Variants in KCNIP1 observed in about 807,000 individuals in gnomAD.
KCNIP1 encodes the protein potassium voltage-gated channel interacting protein 1, also known as A-type potassium channel modulatory protein KCNIP1.
A neutral mutation model predicts 33.0 loss-of-function variants in KCNIP1; 18 were observed. The ratio of observed to expected loss-of-function variants is 0.55; its 90% CI spans 0.38 to 0.81. The LOEUF (loss-of-function observed/expected upper bound fraction) is 0.81. Ranked by LOEUF, KCNIP1 falls within the 30% of genes least tolerant of loss-of-function variation. The probability of loss-of-function intolerance (pLI) is 0.00; values close to 1 mark genes in which losing one functional copy is unlikely to be tolerated. For missense variants in KCNIP1, 238 were observed against 271.6 expected (o/e 0.88, Z 0.87); for synonymous variants, 93 against 98.3 (o/e 0.95, Z 0.32).
At chr5:170,684,126 T>C (rs769788557) in intron 1 of KCNIP1, among the ~76,000 whole-genome samples, 13 of 152,240 alleles carry the variant, frequency 8.5e-5, no homozygotes, top group Admixed American at 5.9e-4. Flanking sequence ...TGGGTTGCAA[T>C]TCTGGTTGTG....
At position 170,353,882 on chromosome 5, in the gene KCNIP1, C is replaced by T. The variant is rs762612605; in HGVS notation, c.6C>T (p.Ser2=). Residue 2 remains serine, a synonymous_variant, in exon 1 of 8, where the codon AGC becomes AGT. Coordinates refer to the KCNIP1 transcript ENST00000377360. ...CCTGGCTCCCCTCCGCCACCATGAG[C>T]GGCTGCTCCAAAAGATGCAAGCTTG... The T allele has an allele frequency of 1.7e-5, 27 of 1,613,928 alleles. No individual in the cohort carries two copies. In the East Asian group the frequency reaches 3.1e-4, roughly 19 times the overall value.
At chr5:170,644,363 G>A (rs78679245) in intron 1 of KCNIP1, among the ~76,000 whole-genome samples, 8,708 of 152,300 alleles carry the variant, frequency 0.057, 298 homozygotes, top group Non-Finnish European at 0.081. Context: ...TGAGTGTGTT[G>A]ATATCTGTAG....
intron 1 of KCNIP1, among the ~76,000 whole-genome samples, chr5:170,416,156 G>C (rs919785412): frequency 6.6e-6 from 1 of 152,066 alleles, no homozygotes; most frequent in African/African-American, 2.4e-5. Flanking sequence ...TTGTCGCCCA[G>C]CCTCACTCTG....
chr5:170,420,032 C>T (rs769217134), intron 1 of KCNIP1, among the ~76,000 whole-genome samples: 3 of 152,158 alleles, frequency 2.0e-5, no homozygotes, highest in South Asian at 2.1e-4. Flanking sequence ...CTCTGGCCAA[C>T]GGAAACACAA....
chr5:170,359,761 G>A (rs1183178419), intron 1 of KCNIP1, among the ~76,000 whole-genome samples: 1 of 152,084 alleles, frequency 6.6e-6, no homozygotes, highest in Non-Finnish European at 1.5e-5. Context: ...TTGCCCCTCT[G>A]CAGCAGGCCC....
At chr5:170,730,270 T>A (rs1764150798) in intron 5 of KCNIP1, among the ~76,000 whole-genome samples, 1 of 152,194 alleles carries the variant, frequency 6.6e-6, no homozygotes, top group Non-Finnish European at 1.5e-5. Context: ...GGTTCACTCA[T>A]TATTCCATCA....
intron 1 of KCNIP1, among the ~76,000 whole-genome samples, chr5:170,664,485 G>A (rs1761628542): frequency 6.6e-6 from 1 of 152,046 alleles, no homozygotes. Flanking sequence ...TGTACCCTCA[G>A]TATTTAGTAG....
chr5:170,534,521 G>A lies in KCNIP1; in HGVS notation c.61+29888G>A, dbSNP rs572852593. 2.6e-4 allele frequency among the ~76,000 whole-genome samples: 40 copies of A among 151,770 alleles called. No individual in the cohort carries two copies. The South Asian group carries it at 8.1e-3, about 31-fold the overall frequency. On this transcript the variant is annotated intron_variant, in intron 1 of 7. Coordinates refer to ENST00000328939, the MANE Select transcript of KCNIP1 (RefSeq NM_014592.4). ...AGGAGAAGGAGGAGAAGGAGAAGAA[G>A]GAGAAGGAGGTGGCAGAGCTACAGA...
At chr5:170,517,471 G>C (rs1755168845) in intron 1 of KCNIP1, among the ~76,000 whole-genome samples, 1 of 152,094 alleles carries the variant, frequency 6.6e-6, no homozygotes, top group African/African-American at 2.4e-5. Flanking sequence ...ATGACAGTAG[G>C]GGCTTCATGG....
chr5:170,484,489 G>A (rs535280393), intron 1 of KCNIP1, among the ~76,000 whole-genome samples: 6 of 152,202 alleles, frequency 3.9e-5, no homozygotes, highest in South Asian at 4.2e-4. Context: ...GGTGGCTGCC[G>A]GGCCTCCCTC....
chr5:170,532,950 T>A (rs1216314377), intron 1 of KCNIP1, among the ~76,000 whole-genome samples: 8 of 152,232 alleles, frequency 5.3e-5, no homozygotes, highest in Non-Finnish European at 7.3e-5. Flanking sequence ...TGACCAAGCA[T>A]GTAGCCTTCC....
chr5:170,414,042 T>G (rs1218806802), intron 1 of KCNIP1, among the ~76,000 whole-genome samples: 1 of 151,814 alleles, frequency 6.6e-6, no homozygotes, highest in Non-Finnish European at 1.5e-5. Context: ...TGACTAAGAT[T>G]AATGGGCATG....
intron 1 of KCNIP1, among the ~76,000 whole-genome samples, chr5:170,579,932 A>G (rs970610537): frequency 3.9e-5 from 6 of 152,084 alleles, no homozygotes; most frequent in Non-Finnish European, 7.4e-5. Flanking sequence ...GCCTTAAATC[A>G]GCTCTTAAAT....
chr5:170,411,309 GAT>G (rs1439033741), intron 1 of KCNIP1, among the ~76,000 whole-genome samples: 8 of 152,246 alleles, frequency 5.3e-5, no homozygotes, highest in African/African-American at 1.7e-4. Flanking sequence ...GAGGTTCAAA[GAT>G]ATGAGGGGAC....
chr5:170,718,957 G>T, intron 2 of KCNIP1, 75 bp downstream of exon 2: 1 of 1,552,376 alleles, frequency 6.4e-7, no homozygotes, highest in Admixed American at 2.2e-5. Context: ...TGCCAAGGGA[G>T]CTCATAAGGC....
At chr5:170,541,335 C>T (rs1450239549) in intron 1 of KCNIP1, among the ~76,000 whole-genome samples, 2 of 152,232 alleles carry the variant, frequency 1.3e-5, no homozygotes, top group Admixed American at 6.5e-5. Context: ...CCGTCACCCC[C>T]TGGAGTCTGC....
intron 1 of KCNIP1, among the ~76,000 whole-genome samples, chr5:170,645,547 C>G (rs1320955267): frequency 6.6e-6 from 1 of 152,104 alleles, no homozygotes; most frequent in Non-Finnish European, 1.5e-5. Context: ...ACCCCTCTAC[C>G]AGAAATGGAC....
Position 170,593,709 on chromosome 5 carries a change from C to T in KCNIP1, c.61+89076C>T, listed in dbSNP as rs952146364. ...CCCTCATTAAGCGAGACATCATCCC[C>T]GGCTGGGCAGGGCGGGGCTGGGGGG... On this transcript the variant is annotated intron_variant, in intron 1 of 7. Transcript: ENST00000328939. Among the ~76,000 whole-genome samples the T allele has an allele frequency of 3.3e-5, 5 of 152,264 alleles. No homozygotes were observed. The South Asian group carries it at 8.3e-4, about 25-fold the overall frequency.
intron 1 of KCNIP1, among the ~76,000 whole-genome samples, chr5:170,456,701 T>C (rs150898035): frequency 6.7e-4 from 91 of 135,760 alleles, no homozygotes; most frequent in Middle Eastern, 7.1e-3. Context: ...CTCTCTCTCT[T>C]TTTCTTTCTT....
Sources: gnomAD v4.1 joint callset for allele counts (sites outside exome capture counted in the v4.1 genomes callset) on GRCh38, gnomAD v4.1.1 for gene constraint, MANE v1.5 for transcripts, NCBI Gene and HGNC (gene_info 2026-07-23, HGNC 2026-07-21) for gene names.